TSHZ3: variants seen among roughly 807,000 people sequenced by gnomAD.
The protein encoded by TSHZ3 is teashirt zinc finger homeobox 3.
Under a neutral mutation model 64.5 loss-of-function variants are expected in TSHZ3, and 10 were observed. That is an observed-to-expected ratio of 0.16 (90% CI 0.10 to 0.26). The LOEUF is 0.26. TSHZ3 is among the 10% of genes least tolerant of loss of function. The probability of loss-of-function intolerance (pLI) is 1.00; values close to 1 mark genes in which losing one functional copy is unlikely to be tolerated. For synonymous variants in TSHZ3, 608 were observed against 593.1 expected (o/e 1.03, Z -0.36); for missense variants, 1,242 against 1,421.7 (o/e 0.87, Z 2.03).
intron 5 of TSHZ3, among the ~76,000 whole-genome samples, chr19:31,187,738 C>A (rs996978325): frequency 6.6e-6 from 1 of 152,040 alleles, no homozygotes; most frequent in Non-Finnish European, 1.5e-5. Context: ...TGCCAAAAAT[C>A]AGTTGTGTGA....
chr19:31,310,200 T>G (rs1409631301), intron 1 of TSHZ3, among the ~76,000 whole-genome samples: 1 of 152,182 alleles, frequency 6.6e-6, no homozygotes, highest in Non-Finnish European at 1.5e-5. Flanking sequence ...CTCATGTCTC[T>G]TCCCTACTCT....
chr19:31,276,351 T>C lies in TSHZ3; in HGVS notation c.*196A>G. On this transcript the variant is annotated 3_prime_UTR_variant, in exon 2 of 2. Coordinates refer to ENST00000240587, the MANE Select transcript of TSHZ3 (RefSeq NM_020856.4). Reference sequence around the variant, plus strand: ...ACTTACCACTGCATTTTAACCTTCATATTTTACCAGTAACAACAGCTGATT... The same window carrying C: ...ACTTACCACTGCATTTTAACCTTCACATTTTACCAGTAACAACAGCTGATT... The C allele has an allele frequency of 2.1e-6, 1 of 469,242 alleles. No homozygotes were observed. Among genetic ancestry groups the C allele is most frequent in the Non-Finnish European group, 3.6e-6 (1 of 274,992 alleles). 29.1% of individuals were successfully genotyped at this position (469,242 alleles called of 1,614,324 possible).
intron 5 of TSHZ3, among the ~76,000 whole-genome samples, chr19:31,176,081 T>A (rs1175455515): frequency 2.0e-5 from 3 of 151,976 alleles, no homozygotes; most frequent in Non-Finnish European, 4.4e-5. Context: ...CCCTCTGGGG[T>A]TGGGGGCACC....
chr19:31,318,224 G>A (rs1916660666), intron 1 of TSHZ3, among the ~76,000 whole-genome samples: 1 of 151,988 alleles, frequency 6.6e-6, no homozygotes, highest in South Asian at 2.1e-4. Flanking sequence ...CTTTGATATT[G>A]TATTTTAATG....
At chr19:31,260,876 C>T (rs937616808) in intron 1 of TSHZ3, among the ~76,000 whole-genome samples, 15 of 152,316 alleles carry the variant, frequency 9.8e-5, no homozygotes, top group Middle Eastern at 3.4e-3. Context: ...TGTGAGAATC[C>T]ATTCACCACA....
intron 5 of TSHZ3, among the ~76,000 whole-genome samples, chr19:31,180,388 T>C (rs1024721546): frequency 2.0e-5 from 3 of 152,186 alleles, no homozygotes; most frequent in African/African-American, 7.2e-5. Flanking sequence ...AGTGGCACCG[T>C]GACATTTCTG....
At chr19:31,245,581 C>T (rs1003651699) in intron 1 of TSHZ3, among the ~76,000 whole-genome samples, 1 of 152,220 alleles carries the variant, frequency 6.6e-6, no homozygotes, top group African/African-American at 2.4e-5. Flanking sequence ...ACACAAGCTA[C>T]ATCTGACAAC....
At chr19:31,212,764 G>A (rs1975275646) in intron 4 of TSHZ3, among the ~76,000 whole-genome samples, 1 of 152,140 alleles carries the variant, frequency 6.6e-6, no homozygotes, top group African/African-American at 2.4e-5. Flanking sequence ...TTTACCCAAA[G>A]GAGATTAAAA....
intron 1 of TSHZ3, among the ~76,000 whole-genome samples, chr19:31,253,770 T>A (rs550504667): frequency 3.9e-4 from 60 of 152,254 alleles, no homozygotes; most frequent in South Asian, 2.3e-3. Context: ...GCAACCCGGA[T>A]AGAAAGGGCC....
At chr19:31,270,479 T>C (rs891663185), downstream of TSHZ3, among the ~76,000 whole-genome samples, 2 of 152,192 alleles carry the variant, frequency 1.3e-5, no homozygotes, top group African/African-American at 4.8e-5. Context: ...CTAATTTCTA[T>C]TTTTTATTTT....
At chr19:31,330,440 G>A (rs1409495423) in intron 1 of TSHZ3, among the ~76,000 whole-genome samples, 1 of 152,198 alleles carries the variant, frequency 6.6e-6, no homozygotes, top group Non-Finnish European at 1.5e-5. Flanking sequence ...GGCTCCCAAT[G>A]CCCGAGCTCC....
intron 1 of TSHZ3, among the ~76,000 whole-genome samples, chr19:31,347,101 C>A (rs907870046): frequency 5.9e-5 from 9 of 151,684 alleles, no homozygotes; most frequent in Non-Finnish European, 8.8e-5. Flanking sequence ...AGAGCAAAAC[C>A]ATTCTTCCAT....
chr19:31,249,099 G>A (rs1323090538), intron 1 of TSHZ3, among the ~76,000 whole-genome samples: 1 of 151,902 alleles, frequency 6.6e-6, no homozygotes, highest in Non-Finnish European at 1.5e-5. Context: ...GGAGGTGAGG[G>A]CCTCAAGTAC....
intron 3 of TSHZ3, among the ~76,000 whole-genome samples, chr19:31,239,848 C>T (rs1975666492): frequency 6.6e-6 from 1 of 152,154 alleles, no homozygotes; most frequent in Non-Finnish European, 1.5e-5. Context: ...CTCCCAAACA[C>T]TTGCACTTTT....
At chr19:31,167,853 T>C (rs1228816570) in intron 5 of TSHZ3, 1 of 152,222 alleles carries the variant, frequency 6.6e-6, no homozygotes, top group Non-Finnish European at 1.5e-5. Context: ...TCTCAGTATA[T>C]ACCCCTCCCG....
chr19:31,345,114 C>T (rs1452995088), intron 1 of TSHZ3, among the ~76,000 whole-genome samples: 2 of 152,192 alleles, frequency 1.3e-5, no homozygotes, highest in Non-Finnish European at 2.9e-5. Flanking sequence ...TTGCCTCCCA[C>T]CTCCTTTGTT....
intron 5 of TSHZ3, among the ~76,000 whole-genome samples, chr19:31,181,694 A>T (rs148944570): frequency 9.9e-5 from 15 of 152,232 alleles, no homozygotes; most frequent in Admixed American, 2.0e-4. Flanking sequence ...AAATGCAACA[A>T]GGAAGAAAAA....
chr19:31,263,098 CGTGAAGGGTG>C (rs1976002090), intron 1 of TSHZ3, among the ~76,000 whole-genome samples: 1 of 152,112 alleles, frequency 6.6e-6, no homozygotes, highest in Non-Finnish European at 1.5e-5. Context: ...CAGACAGCAT[CGTGAAGGGTG>C]GTGTGGGTCT....
At chr19:31,177,802 C>A (rs1974634724) in intron 5 of TSHZ3, among the ~76,000 whole-genome samples, 1 of 152,186 alleles carries the variant, frequency 6.6e-6, no homozygotes, top group Non-Finnish European at 1.5e-5. Flanking sequence ...AAGCTCACAG[C>A]AACCCAAGGA....
Sources: gnomAD v4.1 joint callset for allele counts (sites outside exome capture counted in the v4.1 genomes callset) on GRCh38, gnomAD v4.1.1 for gene constraint, MANE v1.5 for transcripts, NCBI Gene and HGNC (gene_info 2026-07-23, HGNC 2026-07-21) for gene names.